The following ME3 variants were observed in gnomAD, a reference collection of about 807,000 sequenced individuals.
The protein encoded by ME3 is NADP-dependent malic enzyme, mitochondrial.
A neutral mutation model predicts 68.9 loss-of-function variants in ME3; 48 were observed. The ratio of observed to expected loss-of-function variants is 0.70; its 90% CI spans 0.55 to 0.89. The LOEUF (loss-of-function observed/expected upper bound fraction) is 0.89. ME3 is among the 40% of genes least tolerant of loss of function. ME3 has a pLI of 0.00. For missense variants in ME3, 675 were observed against 797.4 expected, an observed-to-expected ratio of 0.85 and a Z score of 1.85; for synonymous variants, 320 against 318.8, an observed-to-expected ratio of 1.00 and a Z score of -0.04.
intron 4 of ME3, among the ~76,000 whole-genome samples, chr11:86,545,175 A>G (rs531719769): frequency 8.7e-4 from 132 of 152,350 alleles, no homozygotes; most frequent in African/African-American, 3.1e-3. Flanking sequence ...ATCTCAAAAT[A>G]ATAAGAGCTA....
At chr11:86,511,802 A>G (rs1052415681) in intron 4 of ME3, among the ~76,000 whole-genome samples, 1 of 152,168 alleles carries the variant, frequency 6.6e-6, no homozygotes, top group African/African-American at 2.4e-5. Flanking sequence ...TGTAGATAAC[A>G]TCACTATTGT....
intron 4 of ME3, among the ~76,000 whole-genome samples, chr11:86,556,119 G>A (rs911105012): frequency 7.9e-5 from 12 of 152,184 alleles, no homozygotes; most frequent in Non-Finnish European, 1.3e-4. Context: ...CAAGCCCAAA[G>A]GAAGATATGC....
In ME3 at chr11:86,556,734, T is replaced by C. The variant is rs759613187; in HGVS notation, c.318-32A>G. Reference sequence around the variant, plus strand: ...AAAGGAGAGAAAAAGCAAGCTGACATGTGGTAGCAGCAGGCCCTGATGCCT... The same window carrying C: ...AAAGGAGAGAAAAAGCAAGCTGACACGTGGTAGCAGCAGGCCCTGATGCCT... On this transcript the variant is annotated intron_variant, in intron 3 of 14. Transcript: ENST00000543262. 6 of 1,606,352 alleles carry C rather than the reference T, an allele frequency of 3.7e-6. No homozygotes were observed. The South Asian group carries it at 6.8e-5, about 18-fold the overall frequency.
At chr11:86,448,038 G>T in intron 11 of ME3, 112 bp downstream of exon 11, 1 of 702,632 alleles carries the variant, frequency 1.4e-6, no homozygotes, top group Non-Finnish European at 2.5e-6. Flanking sequence ...TGGGATAGGG[G>T]AAAGAGCTGT....
At chr11:86,521,431 A>AAAAATAATAATAATAAT (rs1271326906) in intron 4 of ME3, among the ~76,000 whole-genome samples, 1 of 145,924 alleles carries the variant, frequency 6.9e-6, no homozygotes, top group Non-Finnish European at 1.5e-5. Context: ...AACAAAACAA[A>AAAAATAATAATAATAAT]AATAATAATA....
chr11:86,511,396 C>G (rs866314270), intron 4 of ME3, among the ~76,000 whole-genome samples: 69 of 152,274 alleles, frequency 4.5e-4, no homozygotes, highest in African/African-American at 1.6e-3. Context: ...CTTTATGTGC[C>G]ATGTTCTTCC....
intron 4 of ME3, among the ~76,000 whole-genome samples, chr11:86,534,435 G>A (rs1288810301): frequency 1.3e-5 from 2 of 152,154 alleles, no homozygotes; most frequent in Admixed American, 1.3e-4. Context: ...AGCATTGTGG[G>A]AAGCTGAGGC....
At chr11:86,625,642 G>C (rs1254458699) in intron 2 of ME3, among the ~76,000 whole-genome samples, 2 of 152,182 alleles carry the variant, frequency 1.3e-5, no homozygotes, top group African/African-American at 4.8e-5. Flanking sequence ...CCTTGTGCCA[G>C]GCACAGGGGA....
At chr11:86,447,254 A>T in intron 11 of ME3, 47 bp from the exon 12 acceptor site, 1 of 1,592,536 alleles carries the variant, frequency 6.3e-7, no homozygotes. Context: ...TCTATAAACA[A>T]CCCATTCCTC....
intron 4 of ME3, among the ~76,000 whole-genome samples, chr11:86,540,487 G>T (rs965393640): frequency 2.6e-5 from 4 of 152,148 alleles, no homozygotes; most frequent in African/African-American, 9.7e-5. Context: ...ACACACCCCA[G>T]ATAGGACCTT....
intron 2 of ME3, among the ~76,000 whole-genome samples, chr11:86,564,275 T>C (rs1396936724): frequency 1.3e-5 from 2 of 152,126 alleles, no homozygotes; most frequent in Non-Finnish European, 2.9e-5. Context: ...GTTTCTTTCA[T>C]TATTGTTAAA....
chr11:86,656,311 G>A (rs1465953148), intron 2 of ME3, among the ~76,000 whole-genome samples: 2 of 151,896 alleles, frequency 1.3e-5, no homozygotes, highest in Non-Finnish European at 2.9e-5. Context: ...TATGTTTATT[G>A]TGGCACTATT....
At chr11:86,559,861 C>A in intron 2 of ME3, 38 bp from the exon 3 acceptor site, 2 of 1,601,010 alleles carry the variant, frequency 1.2e-6, no homozygotes, top group Non-Finnish European at 1.7e-6. Flanking sequence ...CACATAAGTG[C>A]ATACTCAGGA....
At chr11:86,649,854 C>A (rs1040902971) in intron 2 of ME3, among the ~76,000 whole-genome samples, 1 of 152,128 alleles carries the variant, frequency 6.6e-6, no homozygotes, top group Non-Finnish European at 1.5e-5. Context: ...TGGACAGGAA[C>A]AATCAATATT....
At chr11:86,556,008 C>T (rs1461996490) in intron 4 of ME3, among the ~76,000 whole-genome samples, 1 of 151,802 alleles carries the variant, frequency 6.6e-6, no homozygotes, top group Non-Finnish European at 1.5e-5. Context: ...TGAAAAAAAA[C>T]CTGATTGCTT....
At chr11:86,467,093 G>T (rs1415075429) in intron 7 of ME3, among the ~76,000 whole-genome samples, 1 of 152,186 alleles carries the variant, frequency 6.6e-6, no homozygotes, top group East Asian at 1.9e-4. Context: ...TTTGATATAT[G>T]TGTACAGTGT....
At chr11:86,532,135 C>A (rs1454099819) in intron 4 of ME3, among the ~76,000 whole-genome samples, 2 of 152,010 alleles carry the variant, frequency 1.3e-5, no homozygotes, top group Non-Finnish European at 2.9e-5. Flanking sequence ...CAAAGAAGAT[C>A]ATTATATAAT....
chr11:86,580,630 A>G (rs1958391476), intron 2 of ME3, among the ~76,000 whole-genome samples: 1 of 152,190 alleles, frequency 6.6e-6, no homozygotes, highest in Non-Finnish European at 1.5e-5. Context: ...CTAAGGCACT[A>G]TTTCAGTTTT....
At chr11:86,450,539 G>A in intron 8 of ME3, 141 bp from the exon 9 acceptor site, 2 of 614,054 alleles carry the variant, frequency 3.3e-6, no homozygotes, top group Non-Finnish European at 2.9e-6. Flanking sequence ...AGGCATGCAA[G>A]TTTTGGTGCA....
Sources: gnomAD v4.1 joint callset for allele counts (sites outside exome capture counted in the v4.1 genomes callset) on GRCh38, gnomAD v4.1.1 for gene constraint, MANE v1.5 for transcripts, NCBI Gene and HGNC (gene_info 2026-07-23, HGNC 2026-07-21) for gene names.